Variants in NPSR1 observed in about 807,000 individuals in gnomAD.
NPSR1 encodes the protein neuropeptide S receptor 1, also known as neuropeptide S receptor.
In NPSR1, 48 loss-of-function variants were observed where a neutral mutation model predicts 46.9. The ratio of observed to expected loss-of-function variants is 1.02; its 90% CI spans 0.81 to 1.30. The LOEUF (loss-of-function observed/expected upper bound fraction) is 1.30. Among genes scored for constraint, NPSR1 ranks in the 50% most tolerant of loss-of-function variants. The pLI is 0.00. For synonymous variants in NPSR1, 176 were observed against 168.1 expected (o/e 1.05, Z -0.36); for missense variants, 450 against 449.5 (o/e 1.00, Z -0.01).
intron 2 of NPSR1, among the ~76,000 whole-genome samples, chr7:34,725,581 G>A (rs1027462955): frequency 3.3e-5 from 5 of 152,304 alleles, no homozygotes; most frequent in African/African-American, 9.6e-5. Context: ...AACTGCTCCT[G>A]TAGTTAAGAA....
At chr7:34,846,033 C>T (rs1790731184) in intron 7 of NPSR1, among the ~76,000 whole-genome samples, 1 of 152,174 alleles carries the variant, frequency 6.6e-6, no homozygotes, top group Non-Finnish European at 1.5e-5. Flanking sequence ...TGCAGCATGA[C>T]TCAGCCAGCA....
intron 1 of NPSR1, among the ~76,000 whole-genome samples, chr7:34,663,098 G>C (rs116239223): frequency 3.1e-5 from 4 of 129,070 alleles, no homozygotes; most frequent in South Asian, 2.7e-4. Context: ...TGTGTGGCGG[G>C]GGGGAGTGGG....
chr7:34,828,903 A>G (rs1376480997), intron 5 of NPSR1, among the ~76,000 whole-genome samples: 1 of 152,170 alleles, frequency 6.6e-6, no homozygotes, highest in African/African-American at 2.4e-5. Flanking sequence ...AATACCATAC[A>G]AGGGCTCTTG....
chr7:34,873,928 GC>G (rs1791518081), intron 8 of NPSR1, among the ~76,000 whole-genome samples: 1 of 151,604 alleles, frequency 6.6e-6, no homozygotes, highest in Admixed American at 6.6e-5. Context: ...CAGCAAAGGG[GC>G]CTTATTGTCA....
chr7:34,670,064 GT>G (rs1387482757), intron 1 of NPSR1, among the ~76,000 whole-genome samples: 2 of 152,136 alleles, frequency 1.3e-5, no homozygotes, highest in African/African-American at 4.8e-5. Context: ...AGCATATAAT[GT>G]TTGAAATAAT....
chr7:34,703,089 G>T (rs1171034034), intron 2 of NPSR1, among the ~76,000 whole-genome samples: 4 of 152,344 alleles, frequency 2.6e-5, no homozygotes, highest in African/African-American at 9.6e-5. Flanking sequence ...GCCAGGCGCG[G>T]TGGCTCATGC....
At chr7:34,788,818 C>T (rs779786322) in intron 3 of NPSR1, among the ~76,000 whole-genome samples, 2 of 152,018 alleles carry the variant, frequency 1.3e-5, no homozygotes, top group Non-Finnish European at 2.9e-5. Flanking sequence ...CTAATAGACA[C>T]ATATAGAACA....
chr7:34,718,969 C>T (rs748437560), intron 2 of NPSR1: 3 of 152,202 alleles, frequency 2.0e-5, no homozygotes, highest in Admixed American at 6.5e-5. Flanking sequence ...GCAAAGTGCC[C>T]AGTACACAGG....
chr7:34,756,182 C>A (rs1308710862), intron 2 of NPSR1, among the ~76,000 whole-genome samples: 2 of 152,128 alleles, frequency 1.3e-5, no homozygotes, highest in African/African-American at 4.8e-5. Context: ...TTCTCCCCAC[C>A]GCCCCCCTAC....
Position 34,658,296 on chromosome 7 carries a change from G to A in NPSR1, c.-117G>A, listed in dbSNP as rs1791276493. The A allele has an allele frequency of 8.9e-7, 1 of 1,121,828 alleles. No homozygotes were observed. The highest frequency in any genetic ancestry group is 1.3e-6 in the Non-Finnish European group (1 of 777,120). 69.5% of individuals were successfully genotyped at this position (1,121,828 alleles called of 1,614,324 possible). ...CTCTTCAGTGAGGTGGGCTCAGGGA[G>A]GGCTCTGTGCCTCCGTTCAGCAGAG... is the stretch of plus-strand genomic sequence containing the variant. On this transcript the variant is annotated 5_prime_UTR_variant, in exon 1 of 9. Transcript: ENST00000360581.
intron 4 of NPSR1, among the ~76,000 whole-genome samples, chr7:34,821,204 A>G (rs1267294756): frequency 7.2e-6 from 1 of 139,192 alleles, no homozygotes; most frequent in African/African-American, 2.7e-5. Context: ...GCGCGATCTC[A>G]GCTCACTGCA....
chr7:34,854,976 A>T (rs1791018351), downstream of NPSR1, among the ~76,000 whole-genome samples: 1 of 152,194 alleles, frequency 6.6e-6, no homozygotes, highest in Non-Finnish European at 1.5e-5. Flanking sequence ...GGAACTCAAG[A>T]GTAAGAGGAT....
At chr7:34,803,202 C>T (rs1444224392) in intron 3 of NPSR1, among the ~76,000 whole-genome samples, 22 of 150,576 alleles carry the variant, frequency 1.5e-4, no homozygotes, top group South Asian at 8.5e-4. Context: ...TTTGACCCAG[C>T]CATCCCATTA....
intron 1 of NPSR1, among the ~76,000 whole-genome samples, chr7:34,668,982 T>C (rs1004436730): frequency 6.6e-6 from 1 of 152,182 alleles, no homozygotes; most frequent in Non-Finnish European, 1.5e-5. Context: ...CATTATCCTC[T>C]TTGATTTAGA....
At position 34,815,326 on chromosome 7, in the gene NPSR1, T is replaced by C. The variant is rs182085059; in HGVS notation, c.478+3463T>C. On this transcript the variant is annotated intron_variant, in intron 4 of 8. Transcript: ENST00000360581. ...CAAGTGGAAGAAAGGGTGTCAGTGA[T>C]TGAAGATCAAATTAATGAAATAAAG... Among the ~76,000 whole-genome samples, 283 of 152,232 alleles carry C rather than the reference T, an allele frequency of 1.9e-3. 1 individual carries two copies. The highest frequency in any genetic ancestry group is 2.9e-3 in the Admixed American group (44 of 15,304).
chr7:34,809,274 TTCTC>T (rs1320991688), intron 3 of NPSR1, among the ~76,000 whole-genome samples: 8 of 152,116 alleles, frequency 5.3e-5, no homozygotes, highest in African/African-American at 1.9e-4. Flanking sequence ...ATTTTTCTCT[TTCTC>T]TATTTGTCAC....
At chr7:34,805,443 C>A (rs1013572114) in intron 3 of NPSR1, among the ~76,000 whole-genome samples, 1 of 129,018 alleles carries the variant, frequency 7.8e-6, no homozygotes. Flanking sequence ...TCAAGAATGG[C>A]TGTCTTAGTT....
intron 3 of NPSR1, among the ~76,000 whole-genome samples, chr7:34,796,111 C>A (rs776092718): frequency 8.6e-5 from 13 of 151,996 alleles, no homozygotes; most frequent in Admixed American, 7.9e-4. Flanking sequence ...TATAGTCAAC[C>A]AATATTTACA....
chr7:34,831,494 AAG>A (rs368764650), intron 5 of NPSR1, among the ~76,000 whole-genome samples: 20 of 149,906 alleles, frequency 1.3e-4, no homozygotes, highest in Non-Finnish European at 1.8e-4. Flanking sequence ...GAGGGAGGGA[AAG>A]AGAGAGAGAG....
Sources: gnomAD v4.1 joint callset for allele counts (sites outside exome capture counted in the v4.1 genomes callset) on GRCh38, gnomAD v4.1.1 for gene constraint, MANE v1.5 for transcripts, NCBI Gene and HGNC (gene_info 2026-07-23, HGNC 2026-07-21) for gene names.